The following NEB variants were observed in gnomAD, a reference collection of about 807,000 sequenced individuals.
NEB encodes nemaline myopathy type 2.
In NEB, 512 loss-of-function variants were observed where a neutral mutation model predicts 952.2. The observed-to-expected ratio is 0.54, with a 90% CI of 0.50 to 0.58. The LOEUF is 0.58. Among genes scored for constraint, NEB ranks in the 20% least tolerant of loss-of-function variants. The pLI, the probability that NEB is intolerant of heterozygous loss-of-function variation, is 0.00. For missense variants in NEB, 8,428 were observed against 9,231.1 expected (o/e 0.91, Z 3.56); for synonymous variants, 2,900 against 3,149.8 (o/e 0.92, Z 2.66).
At chr2:151,547,971 A>G (rs1167260825) in intron 131 of NEB, among the ~76,000 whole-genome samples, 2 of 152,244 alleles carry the variant, frequency 1.3e-5, no homozygotes, top group Non-Finnish European at 2.9e-5. Flanking sequence ...AGGATCAGAT[A>G]TGCAAACCAA....
In NEB at chr2:151,500,444, A is replaced by AGAG. The variant is rs532292844; in HGVS notation, c.24021+944_24021+946dup. On this transcript the variant is annotated intron_variant, in intron 168 of 181. Coordinates refer to ENST00000397345, the MANE Select transcript of NEB (RefSeq NM_001164508.2). The stretch of plus-strand genomic sequence containing the variant: ...ATAATACACAAATAATTTGTGTGTT[A>AGAG]GAGTTTTTCAGCAACAATATTAATA... Among the ~76,000 whole-genome samples the AGAG allele has an allele frequency of 2.3e-3, 355 of 152,088 alleles. 9 individuals carry two copies. In the East Asian group the frequency reaches 0.046, roughly 20 times the overall value.
At position 151,565,136 on chromosome 2, in the gene NEB, C is replaced by A; in HGVS notation, c.18379G>T (p.Glu6127Ter). 1.3e-6 allele frequency: 2 copies of A among 1,554,964 alleles called. No individual in the cohort carries two copies. The highest frequency in any genetic ancestry group is 8.8e-7 in the Non-Finnish European group (1 of 1,136,488). ...SVNQSDVKYKETFNKAKGKYT... is the reference protein window; with the variant it reads ...SVNQSDVKYK Reference sequence around the variant, plus strand: ...TTGCCCTTTGCTTTATTAAATGTTTCTTTATATTTTACCTAAGGAGAGAAA... The same window carrying A: ...TTGCCCTTTGCTTTATTAAATGTTTATTTATATTTTACCTAAGGAGAGAAA... The change falls in exon 117 of 182, where the codon GAA becomes TAA. Residue 6127 changes from glutamate (E) to a stop codon, truncating the protein, a stop_gained. Coordinates refer to ENST00000397345, the MANE Select transcript of NEB (RefSeq NM_001164508.2). LOFTEE classifies it high-confidence loss of function.
At position 151,618,405 on chromosome 2, in the gene NEB, C is replaced by T. The variant is rs540945097; in HGVS notation, c.10946G>A (p.Arg3649Lys). The T allele has an allele frequency of 6.2e-7, 1 of 1,613,910 alleles. No individual in the cohort carries two copies. The highest frequency in any genetic ancestry group is 8.5e-7 in the Non-Finnish European group (1 of 1,179,860). Residue 3649 changes from arginine to lysine, a missense_variant, in exon 74 of 182, where the codon AGG becomes AAG. Transcript: ENST00000397345. ...WVPIDSLEVV[R>K]AKRAGELLSD... ...AAGTAATTCTCCAGCTCTCTTGGCC[C>T]TAACAACTTCCAAGGAATCAATCGG...
At chr2:151,730,784 G>T (rs1240860496) in intron 3 of NEB, among the ~76,000 whole-genome samples, 1 of 152,028 alleles carries the variant, frequency 6.6e-6, no homozygotes, top group Non-Finnish European at 1.5e-5. Flanking sequence ...CTTAACCATT[G>T]TCAGTAGGCC....
chr2:151,610,398 T>C (rs1183820533), intron 80 of NEB, 118 bp downstream of exon 80: 1 of 786,344 alleles, frequency 1.3e-6, no homozygotes, highest in Non-Finnish European at 2.1e-6. Context: ...TCTTGAGAGG[T>C]AGGAAGTAGG....
intron 41 of NEB, 59 bp downstream of exon 41, chr2:151,666,031 C>T (rs114238647): frequency 1.4e-4 from 213 of 1,511,476 alleles, no homozygotes; most frequent in Non-Finnish European, 1.7e-4. Context: ...GAGTAAGTGG[C>T]TCCTGTTTTT....
At chr2:151,494,561 A>T (rs2152887149) in intron 173 of NEB, among the ~76,000 whole-genome samples, 1 of 152,290 alleles carries the variant, frequency 6.6e-6, no homozygotes, top group Non-Finnish European at 1.5e-5. Flanking sequence ...GAGATGATCC[A>T]AACAGGAGTT....
chr2:151,535,870 T>A (rs2093072298), intron 141 of NEB, 75 bp from the exon 142 acceptor site: 2 of 756,014 alleles, frequency 2.6e-6, no homozygotes, highest in Middle Eastern at 2.5e-4. Context: ...GTTTATCATA[T>A]GATATAATTG....
In NEB at chr2:151,537,908, A is replaced by G. The variant is rs1193045422; in HGVS notation, c.21066T>C (p.His7022=). 1.2e-6 allele frequency: 2 copies of G among 1,612,482 alleles called. No homozygotes were observed. The highest frequency in any genetic ancestry group is 1.7e-6 in the Non-Finnish European group (2 of 1,179,312). Residue 7022 remains histidine (H), a synonymous_variant, in exon 140 of 182, where the codon CAT becomes CAC. Coordinates refer to ENST00000397345, the MANE Select transcript of NEB (RefSeq NM_001164508.2). Reference sequence around the variant, plus strand: ...TGTCAGTGACTGCTCGGTGGTGGAAATGCTCTGGACGATCAGGAATGGACC... The same window carrying G: ...TGTCAGTGACTGCTCGGTGGTGGAAGTGCTCTGGACGATCAGGAATGGACC... ...IWRSIPDRPE[H]FHHRAVTDTV...
At chr2:151,553,797 TGGAG>T in intron 126 of NEB, 27 bp downstream of exon 126, 1 of 1,575,864 alleles carries the variant, frequency 6.3e-7, no homozygotes, top group African/African-American at 1.3e-5. Context: ...GGCGGGGCCG[TGGAG>T]GGGTACTTCT....
At chr2:151,695,124 T>C (rs761823376) in intron 18 of NEB, among the ~76,000 whole-genome samples, 2 of 152,170 alleles carry the variant, frequency 1.3e-5, no homozygotes, top group Non-Finnish European at 2.9e-5. Flanking sequence ...AAATGAAGGA[T>C]AGAAATGGGT....
chr2:151,674,753 C>T (rs183349829), intron 35 of NEB, among the ~76,000 whole-genome samples, 169 bp from the exon 36 acceptor site: 53 of 152,260 alleles, frequency 3.5e-4, no homozygotes, highest in Admixed American at 1.7e-3. Flanking sequence ...GATCATTGGA[C>T]TCTGCACTAA....
At chr2:151,708,040 T>C (rs1021010564) in intron 12 of NEB, among the ~76,000 whole-genome samples, 6 of 152,212 alleles carry the variant, frequency 3.9e-5, no homozygotes, top group Non-Finnish European at 5.9e-5. Context: ...TCCCCTGTTA[T>C]GCAGATGAAC....
chr2:151,667,062 C>T (rs551166109), intron 40 of NEB, among the ~76,000 whole-genome samples: 8 of 151,624 alleles, frequency 5.3e-5, no homozygotes, highest in African/African-American at 1.7e-4. Flanking sequence ...AACTAAAATC[C>T]TGTTATGTAA....
intron 51 of NEB, among the ~76,000 whole-genome samples, 186 bp from the exon 52 acceptor site, chr2:151,654,285 T>G (rs1417498367): frequency 1.3e-5 from 2 of 152,184 alleles, no homozygotes; most frequent in African/African-American, 4.8e-5. Flanking sequence ...CAGCATCATA[T>G]GACCTGGCTT....
rs1202703476 is a variant in NEB, at chr2:151,524,533, T to C, written c.22356A>G (p.Ala7452=). 2 of 1,613,978 alleles carry C rather than the reference T, an allele frequency of 1.2e-6. No individual in the cohort carries two copies. Among genetic ancestry groups the C allele is most frequent in the Admixed American group, 3.3e-5 (2 of 60,022 alleles). ...CCCTTACCTCACTGGCCTGTTTGGC[T>C]GCCTGTGTGGCCTTCTTGATGTCTG... is the stretch of plus-strand genomic sequence containing the variant. ...DRPDIKKATQ[A]AKQASEVEYR... is the part of the protein sequence containing the mutation. The change falls in exon 152 of 182, where the codon GCA becomes GCG. Residue 7452 remains alanine, a synonymous_variant. Coordinates refer to ENST00000397345, the MANE Select transcript of NEB (RefSeq NM_001164508.2).
In NEB at chr2:151,565,048, C is replaced by A; in HGVS notation, c.18467G>T (p.Ser6156Ile). 1 of 1,547,472 alleles carries A rather than the reference C, an allele frequency of 6.5e-7. No homozygotes were observed. Among genetic ancestry groups the A allele is most frequent in the South Asian group, 1.1e-5 (1 of 87,320 alleles). ...SHSKDMGKLY[S>I]TILYKGAWEG... ...ATTACATAAAAGAGAACTTACAGTA[C>A]TGTAGAGTTTTCCCATGTCTTTGGA... Residue 6156 changes from serine (S) to isoleucine (I), a missense_variant, in exon 117 of 182, where the codon AGT (serine) becomes ATT (isoleucine). Coordinates refer to ENST00000397345, the MANE Select transcript of NEB (RefSeq NM_001164508.2).
In NEB at chr2:151,643,195, G is replaced by A. The variant is rs755894828; in HGVS notation, c.8115C>T (p.Ser2705=). The A allele has an allele frequency of 5.9e-5, 95 of 1,613,706 alleles. 2 individuals are homozygous for A. In the South Asian group the frequency reaches 9.6e-4, roughly 16 times the overall value. ...TGTTTTTTGCCAAAACCATTGGTAT[G>A]GAATCCATAAGGCTGGAAAACTTAA... ...DQFKFSSLMD[S]IPMVLAKNNA... The change falls in exon 58 of 182, where the codon TCC becomes TCT. Residue 2705 remains serine (S), a synonymous_variant. Coordinates refer to ENST00000397345, the MANE Select transcript of NEB (RefSeq NM_001164508.2).
chr2:151,541,623 C>T, intron 135 of NEB, 72 bp from the exon 136 acceptor site: 2 of 1,200,258 alleles, frequency 1.7e-6, no homozygotes, highest in African/African-American at 1.5e-5. Context: ...GATGCCTTCA[C>T]TGCTTTTACA....
Sources: gnomAD v4.1 joint callset for allele counts (sites outside exome capture counted in the v4.1 genomes callset) on GRCh38, gnomAD v4.1.1 for gene constraint, MANE v1.5 for transcripts, NCBI Gene and HGNC (gene_info 2026-07-23, HGNC 2026-07-21) for gene names.